The following TACR1 variants were observed in gnomAD, a reference collection of about 807,000 sequenced individuals.
The protein encoded by TACR1 is tachykinin receptor 1.
A neutral mutation model predicts 35.8 loss-of-function variants in TACR1; 25 were observed. The ratio of observed to expected loss-of-function variants is 0.70; its 90% CI spans 0.51 to 0.98. The LOEUF (loss-of-function observed/expected upper bound fraction) is 0.98, where lower values mean the gene tolerates loss of function less well. Among genes scored for constraint, TACR1 ranks in the 50% least tolerant of loss-of-function variants. The probability of loss-of-function intolerance (pLI) is 0.00; values close to 1 mark genes in which losing one functional copy is unlikely to be tolerated. For missense variants in TACR1, 478 were observed against 522.9 expected, an observed-to-expected ratio of 0.91 and a Z score of 0.84; for synonymous variants, 195 against 206.7, an observed-to-expected ratio of 0.94 and a Z score of 0.48.
chr2:75,140,191 A>G (rs1240921347), intron 1 of TACR1, among the ~76,000 whole-genome samples: 3 of 152,112 alleles, frequency 2.0e-5, no homozygotes, highest in East Asian at 3.9e-4. Flanking sequence ...TTTCCTTAGC[A>G]TTGAATGTAG....
At chr2:75,086,654 T>G (rs1449661611) in intron 2 of TACR1, among the ~76,000 whole-genome samples, 1 of 152,212 alleles carries the variant, frequency 6.6e-6, no homozygotes, top group African/African-American at 2.4e-5. Context: ...GTCAAGGTTT[T>G]GGCAGTGTAG....
chr2:75,174,049 CT>C (rs1355933710), intron 1 of TACR1, among the ~76,000 whole-genome samples: 1 of 152,210 alleles, frequency 6.6e-6, no homozygotes, highest in Non-Finnish European at 1.5e-5. Context: ...TCCTGCCTCA[CT>C]CCCAAAACCC....
intron 2 of TACR1, among the ~76,000 whole-genome samples, chr2:75,090,444 TAGCTAAA>T: frequency 6.6e-6 from 1 of 152,342 alleles, no homozygotes; most frequent in South Asian, 2.1e-4. Context: ...TGAAGCCTGC[TAGCTAAA>T]AGCTTCACCT....
At chr2:75,095,026 G>C (rs1355492737) in intron 2 of TACR1, among the ~76,000 whole-genome samples, 1 of 151,846 alleles carries the variant, frequency 6.6e-6, no homozygotes, top group Non-Finnish European at 1.5e-5. Flanking sequence ...ACCACTGACT[G>C]GGAGTGAGGA....
intron 1 of TACR1, among the ~76,000 whole-genome samples, chr2:75,180,605 G>A (rs1675538617): frequency 6.6e-6 from 1 of 152,162 alleles, no homozygotes; most frequent in East Asian, 1.9e-4. Flanking sequence ...AACCATGACA[G>A]CATACCTTAG....
chr2:75,148,095 C>T (rs976693830), intron 1 of TACR1, among the ~76,000 whole-genome samples: 6 of 152,196 alleles, frequency 3.9e-5, no homozygotes, highest in Admixed American at 3.9e-4. Context: ...GTATATGTAC[C>T]ACCGTTTTTT....
At chr2:75,194,697 C>A (rs933953406) in intron 1 of TACR1, among the ~76,000 whole-genome samples, 7 of 152,158 alleles carry the variant, frequency 4.6e-5, no homozygotes, top group African/African-American at 1.7e-4. Flanking sequence ...TGCCTTCAAC[C>A]ATTACTCTCT....
At chr2:75,062,443 CTA>C (rs1460369639) in intron 2 of TACR1, among the ~76,000 whole-genome samples, 2 of 152,186 alleles carry the variant, frequency 1.3e-5, no homozygotes, top group Admixed American at 1.3e-4. Flanking sequence ...GAAAACAACA[CTA>C]TGTCACAATC....
At chr2:75,127,381 A>G (rs890406838) in intron 1 of TACR1, among the ~76,000 whole-genome samples, 3 of 152,152 alleles carry the variant, frequency 2.0e-5, no homozygotes, top group Admixed American at 6.5e-5. Flanking sequence ...TTAATTAATT[A>G]TTGTTTATTA....
At chr2:75,161,183 C>T (rs1675001285) in intron 1 of TACR1, among the ~76,000 whole-genome samples, 1 of 152,080 alleles carries the variant, frequency 6.6e-6, no homozygotes, top group Middle Eastern at 3.4e-3. Flanking sequence ...AACCACACTA[C>T]TCAAAGACAT....
intron 2 of TACR1, among the ~76,000 whole-genome samples, chr2:75,110,846 G>A (rs1353359677): frequency 1.3e-5 from 2 of 151,850 alleles, no homozygotes; most frequent in African/African-American, 4.8e-5. Context: ...GAATGTAATT[G>A]CTGATTCAAA....
intron 2 of TACR1, among the ~76,000 whole-genome samples, chr2:75,069,010 G>C (rs935984722): frequency 6.6e-6 from 1 of 152,162 alleles, no homozygotes. Flanking sequence ...GAGGGTACCT[G>C]GTGGAAGGTA....
At chr2:75,159,786 G>T (rs1367752667) in intron 1 of TACR1, among the ~76,000 whole-genome samples, 1 of 152,170 alleles carries the variant, frequency 6.6e-6, no homozygotes, top group African/African-American at 2.4e-5. Flanking sequence ...TACCTAGAGG[G>T]TCTGGGTGGC....
intron 2 of TACR1, among the ~76,000 whole-genome samples, chr2:75,109,035 G>A (rs942702055): frequency 1.3e-5 from 2 of 152,164 alleles, no homozygotes; most frequent in African/African-American, 2.4e-5. Context: ...ACTGAAGGAG[G>A]ATCTGGGCAG....
At chr2:75,189,923 T>C (rs1165316483) in intron 1 of TACR1, 1 of 152,224 alleles carries the variant, frequency 6.6e-6, no homozygotes, top group African/African-American at 2.4e-5. Flanking sequence ...AAATTGTGAC[T>C]AATAAAAATA....
At chr2:75,165,403 G>A (rs1472093342) in intron 1 of TACR1, among the ~76,000 whole-genome samples, 1 of 152,012 alleles carries the variant, frequency 6.6e-6, no homozygotes, top group African/African-American at 2.4e-5. Flanking sequence ...TCGCCTCCAG[G>A]GTTCACACCA....
chr2:75,121,591 T>G (rs980089916), intron 1 of TACR1, among the ~76,000 whole-genome samples: 4 of 152,174 alleles, frequency 2.6e-5, no homozygotes, highest in Non-Finnish European at 5.9e-5. Flanking sequence ...CCCTGAGATG[T>G]TGCAGAGATT....
chr2:75,053,464 A>T (rs1573456673), intron 3 of TACR1, 141 bp downstream of exon 3: 77 of 1,062,378 alleles, frequency 7.2e-5, no homozygotes, highest in South Asian at 1.1e-4. Context: ...CTGAAGAAAG[A>T]TTCCTCTCCT....
chr2:75,140,418 C>G (rs1447683259), intron 1 of TACR1, among the ~76,000 whole-genome samples: 1 of 152,050 alleles, frequency 6.6e-6, no homozygotes, highest in Non-Finnish European at 1.5e-5. Flanking sequence ...AAAGTTTACA[C>G]AAGCAGATCA....
Sources: allele counts gnomAD v4.1 joint callset (sites outside exome capture counted in the v4.1 genomes callset), GRCh38; gene constraint gnomAD v4.1.1; transcripts MANE v1.5; gene names NCBI Gene and HGNC (gene_info 2026-07-23, HGNC 2026-07-21).